Variants in DENND4C observed in about 807,000 individuals in gnomAD.
DENND4C encodes the protein DENN domain-containing protein 4C.
Under a neutral mutation model 203.0 loss-of-function variants are expected in DENND4C, and 108 were observed. That is an observed-to-expected ratio of 0.53 (90% CI 0.46 to 0.62). The LOEUF (loss-of-function observed/expected upper bound fraction) is 0.62. Ranked by LOEUF, DENND4C falls within the 20% of genes least tolerant of loss-of-function variation. The probability of loss-of-function intolerance (pLI) is 0.00; values close to 1 mark genes in which losing one functional copy is unlikely to be tolerated. For missense variants in DENND4C, 2,481 were observed against 2,301.2 expected, an observed-to-expected ratio of 1.08 and a Z score of -1.60; for synonymous variants, 871 against 792.4, an observed-to-expected ratio of 1.10 and a Z score of -1.67.
intron 1 of DENND4C, among the ~76,000 whole-genome samples, chr9:19,262,031 T>C (rs904545991): frequency 2.0e-5 from 3 of 151,688 alleles, no homozygotes; most frequent in Non-Finnish European, 4.4e-5. Context: ...TACTGATTTT[T>C]GTATATTGAT....
At chr9:19,340,924 G>GCCGTC in intron 20 of DENND4C, 68 bp from the exon 21 acceptor site, 1 of 1,285,188 alleles carries the variant, frequency 7.8e-7, no homozygotes, top group Non-Finnish European at 1.0e-6. Context: ...GAATTTTCTT[G>GCCGTC]TGATTTTTAT....
chr9:19,318,942 G>C (rs916750827), intron 12 of DENND4C, among the ~76,000 whole-genome samples: 2 of 152,104 alleles, frequency 1.3e-5, no homozygotes, highest in African/African-American at 2.4e-5. Flanking sequence ...GCCAAGGCAG[G>C]CTGATCACCT....
At chr9:19,352,451 T>C (rs1184876095) in intron 25 of DENND4C, 39 bp from the exon 26 acceptor site, 1 of 1,507,932 alleles carries the variant, frequency 6.6e-7, no homozygotes, top group Non-Finnish European at 8.9e-7. Flanking sequence ...GATTAATTTT[T>C]ATTAAACGTT....
intron 10 of DENND4C, among the ~76,000 whole-genome samples, chr9:19,306,391 C>G (rs1026289393): frequency 6.6e-6 from 1 of 152,152 alleles, no homozygotes; most frequent in Non-Finnish European, 1.5e-5. Context: ...TGACATGGAT[C>G]TACCATTGTA....
chr9:19,333,715 A>G (rs1819792597), intron 17 of DENND4C, among the ~76,000 whole-genome samples: 1 of 152,208 alleles, frequency 6.6e-6, no homozygotes, highest in Admixed American at 6.5e-5. Context: ...AAACCATCCT[A>G]AGAAGTAGAT....
intron 12 of DENND4C, among the ~76,000 whole-genome samples, chr9:19,322,109 A>G (rs1292478791): frequency 3.4e-4 from 52 of 152,198 alleles, no homozygotes; most frequent in Admixed American, 3.3e-3. Context: ...AAAAACATGA[A>G]GGGAGAGCGC....
In DENND4C at chr9:19,338,200, C is replaced by T. The variant is rs145722610; in HGVS notation, c.2881+1368C>T. Among the ~76,000 whole-genome samples, 793 of 152,000 alleles carry T rather than the reference C, an allele frequency of 5.2e-3. 7 individuals are homozygous for T. The highest frequency in any genetic ancestry group is 0.018 in the African/African-American group (753 of 41,446). ...TATGAAACTTTTATTTTAAAGCCAC[C>T]ATATTTTATTTCCTCTAGTATTTTT... On this transcript the variant is annotated intron_variant, in intron 20 of 32. Transcript: ENST00000434457.
chr9:19,245,944 T>C (rs144119093), intron 1 of DENND4C, among the ~76,000 whole-genome samples: 46 of 111,834 alleles, frequency 4.1e-4, no homozygotes, highest in South Asian at 2.4e-3. Context: ...TATTTTGATA[T>C]TTCTTGGAAT....
intron 2 of DENND4C, among the ~76,000 whole-genome samples, chr9:19,283,875 G>A (rs544684096): frequency 2.6e-5 from 4 of 152,102 alleles, no homozygotes; most frequent in South Asian, 2.1e-4. Flanking sequence ...GATTATAGGC[G>A]TGAGCCACTG....
In DENND4C at chr9:19,336,669, AT is replaced by A; in HGVS notation, c.2735-15del. The A allele has an allele frequency of 6.5e-7, 1 of 1,549,292 alleles. No individual in the cohort carries two copies. Among genetic ancestry groups the A allele is most frequent in the South Asian group, 1.2e-5 (1 of 83,748 alleles). On this transcript the variant is annotated splice_polypyrimidine_tract_variant and intron_variant, in intron 19 of 32. Transcript: ENST00000434457. ...TCAATGCATGAGTTATTGAACTGCT[AT>A]TGTCCTTATCTTTAGCTCTTCAAAA...
intron 26 of DENND4C, among the ~76,000 whole-genome samples, chr9:19,353,105 G>A (rs1382864982): frequency 6.6e-6 from 1 of 151,948 alleles, no homozygotes; most frequent in African/African-American, 2.4e-5. Context: ...AAGAAACAAA[G>A]GGGAAAAAAA....
At chr9:19,356,349 T>C (rs1000137805) in intron 26 of DENND4C, among the ~76,000 whole-genome samples, 3 of 152,144 alleles carry the variant, frequency 2.0e-5, no homozygotes, top group African/African-American at 7.2e-5. Flanking sequence ...ACATACCATT[T>C]GAAGAATAAA....
chr9:19,361,509 T>A (rs904607024), intron 29 of DENND4C, among the ~76,000 whole-genome samples: 3 of 152,276 alleles, frequency 2.0e-5, no homozygotes, highest in East Asian at 3.9e-4. Context: ...TAAACTCTAG[T>A]TTGATTAGGT....
At chr9:19,264,932 C>G (rs995525514) in intron 1 of DENND4C, among the ~76,000 whole-genome samples, 2 of 151,838 alleles carry the variant, frequency 1.3e-5, no homozygotes, top group Non-Finnish European at 2.9e-5. Flanking sequence ...TTGCTATAAA[C>G]TTTCTTCATA....
intron 1 of DENND4C, among the ~76,000 whole-genome samples, chr9:19,253,525 G>A (rs1827175099): frequency 6.6e-6 from 1 of 152,106 alleles, no homozygotes; most frequent in Admixed American, 6.6e-5. Flanking sequence ...CTTTCTAATG[G>A]TAGTTACCAA....
At chr9:19,306,428 T>C (rs1398380033) in intron 10 of DENND4C, among the ~76,000 whole-genome samples, 1 of 152,222 alleles carries the variant, frequency 6.6e-6, no homozygotes, top group Non-Finnish European at 1.5e-5. Context: ...CTATAGTGGC[T>C]CCTTATGTAT....
At chr9:19,315,591 ATG>A (rs574222597) in intron 10 of DENND4C, among the ~76,000 whole-genome samples, 11 of 151,070 alleles carry the variant, frequency 7.3e-5, no homozygotes, top group Non-Finnish European at 1.3e-4. Flanking sequence ...ACATATATGT[ATG>A]TGTGTGTATA....
At chr9:19,359,344 TAAC>T (rs1287741739) in intron 28 of DENND4C, among the ~76,000 whole-genome samples, 1 of 151,802 alleles carries the variant, frequency 6.6e-6, no homozygotes, top group African/African-American at 2.4e-5. Flanking sequence ...GCCTCCCTAA[TAAC>T]TGGAACCACA....
intron 17 of DENND4C, among the ~76,000 whole-genome samples, chr9:19,334,529 TTTTC>T (rs1460833973): frequency 6.6e-6 from 1 of 151,448 alleles, no homozygotes; most frequent in African/African-American, 2.4e-5. Flanking sequence ...TTTTTTTTTT[TTTTC>T]TTTTTTTTTT....
Sources: allele counts gnomAD v4.1 joint callset (sites outside exome capture counted in the v4.1 genomes callset), GRCh38; gene constraint gnomAD v4.1.1; transcripts MANE v1.5; gene names NCBI Gene and HGNC (gene_info 2026-07-23, HGNC 2026-07-21).